The following LRP1B variants were observed in gnomAD, a reference collection of about 807,000 sequenced individuals.
The protein encoded by LRP1B is low-density lipoprotein receptor-related protein 1B.
Under a neutral mutation model 556.6 loss-of-function variants are expected in LRP1B, and 217 were observed. The ratio of observed to expected loss-of-function variants is 0.39; its 90% confidence interval spans 0.35 to 0.44. LRP1B has a LOEUF of 0.44. Ranked by LOEUF, LRP1B falls within the 20% of genes least tolerant of loss-of-function variation. The pLI, the probability that LRP1B is intolerant of heterozygous loss-of-function variation, is 1.00. For synonymous variants in LRP1B, 2,047 were observed against 1,865.8 expected, an observed-to-expected ratio of 1.10 and a Z score of -2.50; for missense variants, 5,053 against 5,620.8, an observed-to-expected ratio of 0.90 and a Z score of 3.23.
chr2:141,558,359 T>A (rs1051240973), intron 2 of LRP1B, among the ~76,000 whole-genome samples: 17 of 151,576 alleles, frequency 1.1e-4, no homozygotes, highest in Admixed American at 1.1e-3. Flanking sequence ...AGGTAGATAT[T>A]TTTTTTCCCT....
intron 2 of LRP1B, among the ~76,000 whole-genome samples, chr2:141,577,666 T>G (rs1686801212): frequency 6.6e-6 from 1 of 152,136 alleles, no homozygotes; most frequent in Non-Finnish European, 1.5e-5. Flanking sequence ...CCTGTGAAAA[T>G]TTGGAACACG....
At chr2:141,738,268 G>A (rs1259890759) in intron 2 of LRP1B, among the ~76,000 whole-genome samples, 1 of 152,078 alleles carries the variant, frequency 6.6e-6, no homozygotes, top group Non-Finnish European at 1.5e-5. Flanking sequence ...TTTTATTTCT[G>A]TATCTCCTTC....
chr2:140,788,219 T>TCAA (rs1017650989), intron 32 of LRP1B, among the ~76,000 whole-genome samples: 2 of 151,810 alleles, frequency 1.3e-5, no homozygotes, highest in East Asian at 1.9e-4. Flanking sequence ...AATGAATGAG[T>TCAA]CAACAACAAC....
chr2:140,684,204 T>A (rs1574237967), intron 41 of LRP1B, among the ~76,000 whole-genome samples: 2 of 152,248 alleles, frequency 1.3e-5, no homozygotes, highest in South Asian at 4.1e-4. Context: ...TACAAATGCA[T>A]GGCTCATGCC....
At position 141,940,291 on chromosome 2, in the gene LRP1B, G is replaced by A. The variant is rs185983284; in HGVS notation, c.83-129890C>T. 6.4e-3 allele frequency among the ~76,000 whole-genome samples: 969 copies of A among 152,188 alleles called. 11 individuals carry two copies. Among genetic ancestry groups the A allele is most frequent in the Non-Finnish European group, 1.0e-2 (677 of 67,966 alleles). On this transcript the variant is annotated intron_variant, in intron 1 of 90. Transcript: ENST00000389484. ...AATGCCACTGTACAAAGGTATATATGATTAAGAGTTAATATTTTATTAAAA... is the reference window on the plus strand; with the variant it reads ...AATGCCACTGTACAAAGGTATATATAATTAAGAGTTAATATTTTATTAAAA...
At chr2:140,370,485 T>G (rs1490590832) in intron 71 of LRP1B, among the ~76,000 whole-genome samples, 1 of 152,004 alleles carries the variant, frequency 6.6e-6, no homozygotes, top group East Asian at 1.9e-4. Flanking sequence ...AGTAAACACT[T>G]GCCCTGTGTT....
intron 1 of LRP1B, among the ~76,000 whole-genome samples, chr2:141,849,977 T>G (rs1257662054): frequency 6.6e-6 from 1 of 151,692 alleles, no homozygotes. Flanking sequence ...AAGAAACCAT[T>G]TGTTAAGATC....
At chr2:140,973,698 G>A (rs1416923120) in intron 18 of LRP1B, among the ~76,000 whole-genome samples, 2 of 151,964 alleles carry the variant, frequency 1.3e-5, no homozygotes, top group Non-Finnish European at 2.9e-5. Flanking sequence ...AGTATGATCT[G>A]TTGTAAAAAA....
At chr2:142,108,478 C>T (rs906020632) in intron 1 of LRP1B, among the ~76,000 whole-genome samples, 1 of 152,110 alleles carries the variant, frequency 6.6e-6, no homozygotes, top group Non-Finnish European at 1.5e-5. Context: ...GACTACTATC[C>T]TCTCTCATGG....
At chr2:140,708,085 A>G (rs1351319219) in intron 37 of LRP1B, among the ~76,000 whole-genome samples, 1 of 152,112 alleles carries the variant, frequency 6.6e-6, no homozygotes, top group Non-Finnish European at 1.5e-5. Context: ...CATAAAGTCC[A>G]TTGTTAATGG....
intron 39 of LRP1B, 104 bp downstream of exon 39, chr2:140,702,037 T>A: frequency 7.1e-7 from 1 of 1,404,254 alleles, no homozygotes; most frequent in Admixed American, 2.1e-5. Flanking sequence ...CTTTGTGAGT[T>A]CCTTTTTGTG....
intron 7 of LRP1B, among the ~76,000 whole-genome samples, chr2:141,148,298 AC>A (rs1026551331): frequency 6.6e-6 from 1 of 152,156 alleles, no homozygotes; most frequent in African/African-American, 2.4e-5. Context: ...AGGTTCCTAA[AC>A]TTGTCACCTT....
At chr2:140,952,902 G>A (rs1695761034) in intron 18 of LRP1B, among the ~76,000 whole-genome samples, 1 of 152,076 alleles carries the variant, frequency 6.6e-6, no homozygotes, top group African/African-American at 2.4e-5. Context: ...GTTTATTTAA[G>A]TTGCTCAATA....
intron 3 of LRP1B, among the ~76,000 whole-genome samples, chr2:141,354,838 A>G (rs964391575): frequency 1.1e-4 from 16 of 152,262 alleles, no homozygotes; most frequent in African/African-American, 3.9e-4. Flanking sequence ...TCTTAAAAAA[A>G]CTTGTCATTT....
At chr2:140,503,291 G>C (rs1456787177) in intron 53 of LRP1B, among the ~76,000 whole-genome samples, 188 bp from the exon 54 acceptor site, 3 of 151,996 alleles carry the variant, frequency 2.0e-5, no homozygotes, top group Non-Finnish European at 4.4e-5. Context: ...GTAGGAATAT[G>C]GTCCAAAAAC....
At chr2:140,868,627 T>C (rs533764047) in intron 25 of LRP1B, among the ~76,000 whole-genome samples, 1 of 152,032 alleles carries the variant, frequency 6.6e-6, no homozygotes, top group South Asian at 2.1e-4. Context: ...AAACAACATA[T>C]GCTAAGGCCC....
intron 41 of LRP1B, among the ~76,000 whole-genome samples, chr2:140,612,605 T>G (rs1297500257): frequency 6.6e-6 from 1 of 152,126 alleles, no homozygotes; most frequent in Non-Finnish European, 1.5e-5. Flanking sequence ...TACCTTTTTA[T>G]TTGTCAGCAT....
At chr2:142,044,657 C>T (rs1442628291) in intron 1 of LRP1B, among the ~76,000 whole-genome samples, 1 of 151,566 alleles carries the variant, frequency 6.6e-6, no homozygotes, top group African/African-American at 2.4e-5. Context: ...ATCGAAAAGC[C>T]CCAAGGATAT....
chr2:141,015,552 GC>G, intron 13 of LRP1B, 143 bp downstream of exon 13: 2 of 657,104 alleles, frequency 3.0e-6, no homozygotes, highest in Non-Finnish European at 5.2e-6. Context: ...TTAATGCTCA[GC>G]CTGCTTCAGC....
Sources: allele counts gnomAD v4.1 joint callset (sites outside exome capture counted in the v4.1 genomes callset), GRCh38; gene constraint gnomAD v4.1.1; transcripts MANE v1.5; gene names NCBI Gene and HGNC (gene_info 2026-07-23, HGNC 2026-07-21).